GALNT17: variants seen among roughly 807,000 people sequenced by gnomAD.
The protein encoded by GALNT17 is polypeptide N-acetylgalactosaminyltransferase 17.
Under a neutral mutation model 63.7 loss-of-function variants are expected in GALNT17, and 29 were observed. The ratio of observed to expected loss-of-function variants is 0.46; its 90% CI spans 0.34 to 0.62. GALNT17 has a LOEUF of 0.62. Ranked by LOEUF, GALNT17 falls within the 20% of genes least tolerant of loss-of-function variation. The pLI, the probability that GALNT17 is intolerant of heterozygous loss-of-function variation, is 0.01. For missense variants in GALNT17, 603 were observed against 799.6 expected (o/e 0.75, Z 2.97); for synonymous variants, 305 against 318.3 (o/e 0.96, Z 0.45).
At chr7:71,534,492 G>A (rs539909187) in intron 5 of GALNT17, among the ~76,000 whole-genome samples, 40 of 151,752 alleles carry the variant, frequency 2.6e-4, no homozygotes, top group Non-Finnish European at 2.6e-4. Flanking sequence ...CCAGCTACTC[G>A]GGAGGCTGAG....
intron 1 of GALNT17, among the ~76,000 whole-genome samples, chr7:71,211,483 G>A (rs536476898): frequency 2.0e-5 from 3 of 152,240 alleles, no homozygotes; most frequent in East Asian, 1.9e-4. Context: ...GAAAACAGAC[G>A]AATACAGTTA....
chr7:71,550,426 G>C (rs970528860), intron 5 of GALNT17, among the ~76,000 whole-genome samples: 4 of 152,032 alleles, frequency 2.6e-5, no homozygotes, highest in African/African-American at 9.7e-5. Context: ...TGTCCCCCAG[G>C]CTGGAGTGCA....
intron 1 of GALNT17, among the ~76,000 whole-genome samples, chr7:71,297,245 A>C (rs2115854939): frequency 6.6e-6 from 1 of 152,196 alleles, no homozygotes; most frequent in Admixed American, 6.5e-5. Context: ...GATCTCATAC[A>C]CCAAAAGACG....
intron 1 of GALNT17, among the ~76,000 whole-genome samples, chr7:71,211,409 G>A (rs1789376083): frequency 6.6e-6 from 1 of 152,222 alleles, no homozygotes; most frequent in Non-Finnish European, 1.5e-5. Context: ...CAGCCATGTG[G>A]AACTGTAAGT....
At chr7:71,573,539 G>T (rs1789486846) in intron 6 of GALNT17, among the ~76,000 whole-genome samples, 1 of 151,598 alleles carries the variant, frequency 6.6e-6, no homozygotes, top group Non-Finnish European at 1.5e-5. Context: ...TTTCACTGTG[G>T]TAGCCAGGAT....
chr7:71,464,373 G>A (rs988675128), intron 5 of GALNT17, among the ~76,000 whole-genome samples: 6 of 152,144 alleles, frequency 3.9e-5, no homozygotes, highest in Non-Finnish European at 8.8e-5. Flanking sequence ...GTAGATAAGT[G>A]GGATCAGAGG....
At chr7:71,621,295 T>C (rs1020474344) in intron 6 of GALNT17, among the ~76,000 whole-genome samples, 2 of 152,180 alleles carry the variant, frequency 1.3e-5, no homozygotes, top group African/African-American at 2.4e-5. Flanking sequence ...GAAATACTTA[T>C]AGCTACTTCA....
chr7:71,293,283 G>A (rs1791018309), intron 1 of GALNT17, among the ~76,000 whole-genome samples: 1 of 152,128 alleles, frequency 6.6e-6, no homozygotes, highest in African/African-American at 2.4e-5. Flanking sequence ...CCACTATACT[G>A]TTTTCCATGA....
chr7:71,275,987 C>T (rs1263139279), intron 1 of GALNT17, among the ~76,000 whole-genome samples: 1 of 152,216 alleles, frequency 6.6e-6, no homozygotes, highest in Non-Finnish European at 1.5e-5. Flanking sequence ...CTACTTGTTT[C>T]ATTTTCTTCA....
At chr7:71,344,566 A>T (rs530607902) in intron 2 of GALNT17, among the ~76,000 whole-genome samples, 5 of 152,118 alleles carry the variant, frequency 3.3e-5, no homozygotes, top group African/African-American at 9.6e-5. Context: ...TCTTTTTTTT[A>T]AATAATGATA....
At chr7:71,183,202 G>A (rs1265290915) in intron 1 of GALNT17, among the ~76,000 whole-genome samples, 1 of 152,132 alleles carries the variant, frequency 6.6e-6, no homozygotes. Flanking sequence ...GTGCTTGGGG[G>A]CACATTCACT....
rs530652979 is a variant in GALNT17 at position 71,463,787 on chromosome 7, C to T, written c.962+42682C>T. 2.0e-5 allele frequency among the ~76,000 whole-genome samples: 3 copies of T among 152,286 alleles called. No homozygotes were observed. In the South Asian group the frequency reaches 6.2e-4, roughly 32 times the overall value. On this transcript the variant is annotated intron_variant, in intron 5 of 10. Transcript: ENST00000333538. ...TGGAGCTGGTAGGAGTGTCTCTTAGCATGCTAATGCATTATAGTTAGCATA... is the reference window on the plus strand; with the variant it reads ...TGGAGCTGGTAGGAGTGTCTCTTAGTATGCTAATGCATTATAGTTAGCATA...
chr7:71,152,404 G>T (rs1381676175), intron 1 of GALNT17, among the ~76,000 whole-genome samples: 1 of 152,048 alleles, frequency 6.6e-6, no homozygotes, highest in Non-Finnish European at 1.5e-5. Context: ...AGACCCAAGG[G>T]GCGGAGTAGA....
chr7:71,146,914 G>A (rs543873104), intron 1 of GALNT17, among the ~76,000 whole-genome samples: 1 of 152,250 alleles, frequency 6.6e-6, no homozygotes, highest in South Asian at 2.1e-4. Context: ...GTTCCAGAAG[G>A]ACTTCTTCCA....
intron 1 of GALNT17, among the ~76,000 whole-genome samples, chr7:71,321,642 C>G (rs1335099784): frequency 8.0e-6 from 1 of 125,528 alleles, no homozygotes; most frequent in Non-Finnish European, 1.6e-5. Flanking sequence ...GAGTCTTGCT[C>G]TGTCACGCAG....
Position 71,633,055 on chromosome 7 carries a change from C to T in GALNT17, c.1081-32356C>T, listed in dbSNP as rs537892398. On this transcript the variant is annotated intron_variant, in intron 6 of 10. Transcript: ENST00000333538. The stretch of plus-strand genomic sequence containing the variant: ...GGAGTGGGAGGTTGCAGTGAGCCGA[C>T]ATCGCACCACTGCACTCCAGCCTGG... Among the ~76,000 whole-genome samples the T allele has an allele frequency of 1.3e-4, 18 of 136,190 alleles. No homozygotes were observed. The South Asian group carries it at 4.1e-3, about 31-fold the overall frequency. 89.3% of individuals were successfully genotyped at this position (136,190 alleles called of 152,430 possible). A position where few individuals can be genotyped will look rare whatever the true frequency, so the allele number is the denominator to read the frequency against.
chr7:71,378,980 C>T (rs1029513664), intron 2 of GALNT17, among the ~76,000 whole-genome samples: 5 of 152,072 alleles, frequency 3.3e-5, no homozygotes, highest in Admixed American at 6.6e-5. Flanking sequence ...CCAGCCTGGG[C>T]GACAGAGCAA....
At position 71,132,600 on chromosome 7, in the gene GALNT17, AT is replaced by A. The variant is rs2116125797; in HGVS notation, c.-202del. On this transcript the variant is annotated 5_prime_UTR_variant, in exon 1 of 11. It removes an upstream start codon present in the reference 5' UTR. Coordinates refer to ENST00000333538, the MANE Select transcript of GALNT17 (RefSeq NM_022479.3). Reference sequence around the variant, plus strand: ...GCACTTCTGCAGAGCGAGGACTTCCATGTGAGCGATTCCGTTCTCCCCACCA... The same window carrying A: ...GCACTTCTGCAGAGCGAGGACTTCCAGTGAGCGATTCCGTTCTCCCCACCA... 1.8e-6 allele frequency: 1 copy of A among 561,278 alleles called. No homozygotes were observed. Among genetic ancestry groups the A allele is most frequent in the Non-Finnish European group, 3.1e-6 (1 of 318,770 alleles). The allele number at this position is 561,278 out of a possible 1,614,324, so 34.8% of individuals were successfully genotyped here. A position where few individuals can be genotyped will look rare whatever the true frequency, so the allele number is the denominator to read the frequency against.
chr7:71,388,263 C>G lies in GALNT17; in HGVS notation c.451C>G (p.Leu151Val). Residue 151 changes from leucine to valine, a missense_variant, in exon 3 of 11, where the codon CTG becomes GTG. By Grantham distance (32) the Leu-to-Val change is conservative (BLOSUM62 1). Coordinates refer to ENST00000333538, the MANE Select transcript of GALNT17 (RefSeq NM_022479.3). ...TAAGGAGCTCAAGTACTCCAAGGAC[C>G]TGCCCCAGATATCCATCATATTCAT... is the stretch of plus-strand genomic sequence containing the variant. ...KCKELKYSKD[L>V]PQISIIFIFV... is the part of the protein sequence containing the mutation. 1.9e-6 allele frequency: 3 copies of G among 1,614,020 alleles called. No individual in the cohort carries two copies. Among genetic ancestry groups the G allele is most frequent in the Non-Finnish European group, 2.5e-6 (3 of 1,179,974 alleles).
Sources: gnomAD v4.1 joint callset for allele counts (sites outside exome capture counted in the v4.1 genomes callset) on GRCh38, gnomAD v4.1.1 for gene constraint, MANE v1.5 for transcripts, NCBI Gene and HGNC (gene_info 2026-07-23, HGNC 2026-07-21) for gene names.